HS6ST2: variants seen among roughly 807,000 people sequenced by gnomAD.
The protein encoded by HS6ST2 is heparan-sulfate 6-O-sulfotransferase 2.
HS6ST2 carries 17 observed loss-of-function variants against 33.0 expected under a neutral mutation model. The observed-to-expected ratio is 0.52, with a 90% CI of 0.35 to 0.77. The LOEUF (loss-of-function observed/expected upper bound fraction) is 0.77, where lower values mean the gene tolerates loss of function less well. Among genes scored for constraint, HS6ST2 ranks in the 30% least tolerant of loss-of-function variants. The pLI, the probability that HS6ST2 is intolerant of heterozygous loss-of-function variation, is 0.01. For missense variants in HS6ST2, 519 were observed against 551.7 expected (o/e 0.94, Z 0.59); for synonymous variants, 248 against 237.1 (o/e 1.05, Z -0.42).
chrX:132,776,915 G>A (rs1409047183), intron 2 of HS6ST2, among the ~76,000 whole-genome samples: 1 of 110,385 alleles, frequency 9.1e-6, no homozygotes, highest in African/African-American at 3.3e-5. Context: ...ATTCACGCCA[G>A]TGAATTCCAC....
intron 2 of HS6ST2, among the ~76,000 whole-genome samples, chrX:132,844,891 G>A (rs902272373): frequency 1.7e-4 from 19 of 109,857 alleles, no homozygotes; most frequent in African/African-American, 5.6e-4. Flanking sequence ...CATCTACTAT[G>A]CTGAGCACCA....
intron 2 of HS6ST2, among the ~76,000 whole-genome samples, chrX:132,722,678 A>G (rs919829142): frequency 1.8e-5 from 2 of 111,260 alleles, no homozygotes; most frequent in Non-Finnish European, 3.8e-5. Flanking sequence ...AAAGACCACA[A>G]ATATTTTTGA....
At chrX:132,675,156 G>A (rs968404661) in intron 3 of HS6ST2, among the ~76,000 whole-genome samples, 1 of 110,870 alleles carries the variant, frequency 9.0e-6, no homozygotes, top group Admixed American at 9.6e-5. Context: ...GGGGCCTATC[G>A]AGTTGGGGTA....
chrX:132,677,946 G>T (rs779096565), intron 3 of HS6ST2, among the ~76,000 whole-genome samples: 5 of 111,998 alleles, frequency 4.5e-5, no homozygotes. Context: ...GGGGCATGGG[G>T]TACCCATTCT....
chrX:132,833,306 C>T (rs186637338), intron 2 of HS6ST2, among the ~76,000 whole-genome samples: 7 of 111,482 alleles, frequency 6.3e-5, no homozygotes, highest in East Asian at 2.8e-4. Context: ...AATGTGAGTG[C>T]CAGCTGTGAC....
At chrX:132,808,533 G>A (rs1195173519) in intron 2 of HS6ST2, among the ~76,000 whole-genome samples, 2 of 111,713 alleles carry the variant, frequency 1.8e-5, no homozygotes, top group African/African-American at 6.5e-5. Flanking sequence ...AGACAATGGG[G>A]AAAGAAGGCC....
chrX:132,881,842 T>A lies in HS6ST2; in HGVS notation c.947+74966A>T, dbSNP rs187501311. On this transcript the variant is annotated intron_variant, in intron 2 of 4. Coordinates refer to ENST00000370833, the MANE Select transcript of HS6ST2 (RefSeq NM_001394073.1). ...GGATCCAGTTTCAGCTTTCTACATATGGCTAGCCAGTTTTCCCAACAGCAT... is the reference window on the plus strand; with the variant it reads ...GGATCCAGTTTCAGCTTTCTACATAAGGCTAGCCAGTTTTCCCAACAGCAT... Among the ~76,000 whole-genome samples, 132 of 112,183 alleles carry A rather than the reference T, an allele frequency of 1.2e-3. 3 individuals carry two copies. The East Asian group carries it at 0.034, about 29-fold the overall frequency.
At chrX:132,739,981 G>A (rs951684186) in intron 2 of HS6ST2, among the ~76,000 whole-genome samples, 1 of 111,217 alleles carries the variant, frequency 9.0e-6, no homozygotes, top group Non-Finnish European at 1.9e-5. Context: ...GACATAAACA[G>A]TAGTGTCTGA....
intron 2 of HS6ST2, among the ~76,000 whole-genome samples, chrX:132,779,084 C>A (rs2064994355): frequency 8.9e-6 from 1 of 111,963 alleles, no homozygotes; most frequent in Non-Finnish European, 1.9e-5. Flanking sequence ...AAACTGCCAG[C>A]AGGGAATGGA....
chrX:132,790,872 T>A (rs912999922), intron 2 of HS6ST2, among the ~76,000 whole-genome samples: 2 of 112,127 alleles, frequency 1.8e-5, no homozygotes, highest in Non-Finnish European at 3.8e-5. Flanking sequence ...CTGGGTGTGG[T>A]GGCTCAGGCC....
intron 4 of HS6ST2, among the ~76,000 whole-genome samples, chrX:132,635,298 A>T (rs1432494858): frequency 9.0e-6 from 1 of 111,424 alleles, no homozygotes; most frequent in Non-Finnish European, 1.9e-5. Context: ...CCTTTGCACC[A>T]CTGCCTGGGG....
intron 2 of HS6ST2, among the ~76,000 whole-genome samples, chrX:132,902,701 G>A (rs2066436336): frequency 9.0e-6 from 1 of 111,656 alleles, no homozygotes; most frequent in Admixed American, 9.5e-5. Context: ...GGATAAAATG[G>A]AGCAGGCTTT....
chrX:132,628,382 G>A lies in HS6ST2; in HGVS notation c.1779C>T (p.Ala593=), dbSNP rs1457396613. The change falls in exon 5 of 5, where the codon GCC becomes GCT. Residue 593 remains alanine (A), a synonymous_variant. Transcript: ENST00000370833. ...QNQSQNPNPN[A]NQNLTQNLMQ... ...TCAGATTCTGAGTCAGGTTCTGATTGGCATTCGGATTTGGGTTCTGACTCT... is the reference window on the plus strand; with the variant it reads ...TCAGATTCTGAGTCAGGTTCTGATTAGCATTCGGATTTGGGTTCTGACTCT... 1 of 1,178,476 alleles carries A rather than the reference G, an allele frequency of 8.5e-7. No homozygotes were observed. Among genetic ancestry groups the A allele is most frequent in the Admixed American group, 2.4e-5 (1 of 41,635 alleles).
At chrX:132,912,317 C>T (rs2066543566) in intron 2 of HS6ST2, among the ~76,000 whole-genome samples, 1 of 112,513 alleles carries the variant, frequency 8.9e-6, no homozygotes, top group Non-Finnish European at 1.9e-5. Flanking sequence ...TGCATCTGGA[C>T]AGTCTGTGTT....
At position 132,800,001 on chromosome X, in the gene HS6ST2, G is replaced by T. The variant is rs766496604; in HGVS notation, c.948-91507C>A. 4.5e-5 allele frequency among the ~76,000 whole-genome samples: 5 copies of T among 112,156 alleles called. No homozygotes were observed. The East Asian group carries it at 1.4e-3, about 31-fold the overall frequency. ...AGTGAACAATAAAGTTGAAGGTGAG[G>T]TGAGATGCAAGGAAGGACCGATTCT... On this transcript the variant is annotated intron_variant, in intron 2 of 4. Transcript: ENST00000370833.
At chrX:132,851,261 G>A (rs1462794341) in intron 2 of HS6ST2, among the ~76,000 whole-genome samples, 1 of 111,976 alleles carries the variant, frequency 8.9e-6, no homozygotes, top group African/African-American at 3.2e-5. Flanking sequence ...CTACCTGAGG[G>A]TAACCAAAAT....
At chrX:132,951,377 C>G (rs759138071) in intron 2 of HS6ST2, among the ~76,000 whole-genome samples, 1 of 110,815 alleles carries the variant, frequency 9.0e-6, no homozygotes, top group African/African-American at 3.3e-5. Context: ...GGTTGCTGGA[C>G]CTCAAAAGGT....
chrX:132,718,651 T>A (rs1338860247), intron 2 of HS6ST2, among the ~76,000 whole-genome samples: 1 of 110,890 alleles, frequency 9.0e-6, no homozygotes, highest in African/African-American at 3.3e-5. Flanking sequence ...AGGCCTCTCA[T>A]GGGACTATTT....
chrX:132,787,167 G>GTGTATA (rs1405731624), intron 2 of HS6ST2, among the ~76,000 whole-genome samples: 1,986 of 51,297 alleles, frequency 0.039, 102 homozygotes, highest in East Asian at 0.055. Context: ...ATATATATAT[G>GTGTATA]TATATATATA....
Sources: gnomAD v4.1 joint callset for allele counts (sites outside exome capture counted in the v4.1 genomes callset) on GRCh38, gnomAD v4.1.1 for gene constraint, MANE v1.5 for transcripts, NCBI Gene and HGNC (gene_info 2026-07-23, HGNC 2026-07-21) for gene names.